The following ARK2C variants were observed in gnomAD, a reference collection of about 807,000 sequenced individuals.
ARK2C encodes arkadia (RNF111) C-terminal like ring finger ubiquitin ligase 2C, also known as E3 ubiquitin-protein ligase ARK2C.
chr18:46,454,110 C>CAAAAAAAAA, the ARK2C span, among the ~76,000 whole-genome samples: 4 of 16,626 alleles, frequency 2.4e-4, no homozygotes, highest in African/African-American at 3.2e-4. Context: ...AAGGCCGTCT[C>CAAAAAAAAA]AAAAAAAAAA....
At chr18:46,369,224 A>T in the ARK2C span, among the ~76,000 whole-genome samples, 3 of 152,216 alleles carry the variant, frequency 2.0e-5, no homozygotes. Flanking sequence ...GGTTGTTTCC[A>T]GATACCCAGG....
chr18:46,422,104 AGGAACCC>A, the ARK2C span, among the ~76,000 whole-genome samples: 3 of 152,210 alleles, frequency 2.0e-5, no homozygotes, highest in Non-Finnish European at 4.4e-5. Context: ...GGAGTACATA[AGGAACCC>A]GGAAAGAATG....
the ARK2C span, among the ~76,000 whole-genome samples, chr18:46,419,365 A>G: frequency 5.9e-5 from 9 of 152,262 alleles, no homozygotes; most frequent in African/African-American, 1.7e-4. Flanking sequence ...GACACTTTCA[A>G]TGGGGGAGGA....
the ARK2C span, among the ~76,000 whole-genome samples, chr18:46,388,762 C>T: frequency 4.6e-5 from 7 of 152,078 alleles, no homozygotes; most frequent in Admixed American, 1.3e-4. Context: ...TAAATCAAAG[C>T]AATTTCCATT....
the ARK2C span, among the ~76,000 whole-genome samples, chr18:46,443,576 T>C: frequency 1.3e-5 from 2 of 152,260 alleles, no homozygotes; most frequent in Non-Finnish European, 2.9e-5. Context: ...AAATCTTGCC[T>C]GCTCTCTGTT....
At chr18:46,382,580 T>C in the ARK2C span, among the ~76,000 whole-genome samples, 3 of 152,204 alleles carry the variant, frequency 2.0e-5, no homozygotes, top group African/African-American at 4.8e-5. Context: ...ACCTGCCCCA[T>C]GAATCTCAGC....
At chr18:46,410,162 G>A in the ARK2C span, among the ~76,000 whole-genome samples, 10 of 152,172 alleles carry the variant, frequency 6.6e-5, no homozygotes, top group Non-Finnish European at 1.3e-4. Context: ...CATGACCTCA[G>A]GGCCCTGCTC....
chr18:46,377,050 G>A, the ARK2C span, among the ~76,000 whole-genome samples: 3 of 152,188 alleles, frequency 2.0e-5, 1 homozygote, highest in Admixed American at 2.0e-4. Context: ...CAGGCACCTA[G>A]GAGGAGGCAG....
chr18:46,425,818 A>G, the ARK2C span, among the ~76,000 whole-genome samples: 1 of 152,036 alleles, frequency 6.6e-6, no homozygotes, highest in Admixed American at 6.5e-5. Flanking sequence ...TGGATGCTCT[A>G]ACAGAAGGCC....
the ARK2C span, among the ~76,000 whole-genome samples, chr18:46,387,588 G>C: frequency 6.6e-6 from 1 of 152,252 alleles, no homozygotes; most frequent in Admixed American, 6.5e-5. Flanking sequence ...GCTCTGGAGG[G>C]CATGAAGCAA....
the ARK2C span, among the ~76,000 whole-genome samples, chr18:46,372,852 A>G: frequency 6.6e-6 from 1 of 152,254 alleles, no homozygotes; most frequent in Non-Finnish European, 1.5e-5. Context: ...AGGACTGTGT[A>G]GTGTCCAGGA....
chr18:46,431,535 G>A, the ARK2C span, among the ~76,000 whole-genome samples: 2 of 152,300 alleles, frequency 1.3e-5, no homozygotes, highest in East Asian at 1.9e-4. Flanking sequence ...GAGGGTGCAG[G>A]GGAGGGGCAC....
At chr18:46,343,618 C>T in the ARK2C span, among the ~76,000 whole-genome samples, 2 of 152,222 alleles carry the variant, frequency 1.3e-5, no homozygotes, top group Non-Finnish European at 2.9e-5. Context: ...CTGAGTACTC[C>T]GCGACTTCAC....
At chr18:46,443,946 G>T in the ARK2C span, among the ~76,000 whole-genome samples, 1 of 152,092 alleles carries the variant, frequency 6.6e-6, no homozygotes, top group South Asian at 2.1e-4. Flanking sequence ...TCCTAGCAGT[G>T]CACTCTCTCA....
At chr18:46,408,893 T>C in the ARK2C span, among the ~76,000 whole-genome samples, 26 of 152,342 alleles carry the variant, frequency 1.7e-4, 1 homozygote, top group South Asian at 5.2e-3. Context: ...CACAGGACTT[T>C]CTGCAAGTTG....
At chr18:46,433,278 C>G in the ARK2C span, 9 of 1,610,740 alleles carry the variant, frequency 5.6e-6, no homozygotes, top group South Asian at 5.5e-5. Flanking sequence ...AGCTCGCTCC[C>G]GACTTCCCGC....
At chr18:46,360,640 A>G in the ARK2C span, among the ~76,000 whole-genome samples, 1 of 152,146 alleles carries the variant, frequency 6.6e-6, no homozygotes, top group Non-Finnish European at 1.5e-5. Flanking sequence ...CTGCATTAGT[A>G]AATCAGTCAG....
chr18:46,336,602 G>A, the ARK2C span: 4 of 985,312 alleles, frequency 4.1e-6, no homozygotes, highest in Non-Finnish European at 3.6e-6. Flanking sequence ...TAGAGAGTTT[G>A]CCAGCTTAAA....
the ARK2C span, among the ~76,000 whole-genome samples, chr18:46,398,876 C>T: frequency 5.9e-5 from 9 of 151,788 alleles, no homozygotes; most frequent in African/African-American, 1.7e-4. Context: ...TGAGACACGT[C>T]GACAACATCT....
Sources: gnomAD v4.1 joint callset for allele counts (sites outside exome capture counted in the v4.1 genomes callset) on GRCh38, gnomAD v4.1.1 for gene constraint, MANE v1.5 for transcripts, NCBI Gene and HGNC (gene_info 2026-07-23, HGNC 2026-07-21) for gene names.